Variants in CCNK observed in about 807,000 individuals in gnomAD.
CCNK encodes the protein cyclin K.
In CCNK, 9 loss-of-function variants were observed where a neutral mutation model predicts 65.0. The observed-to-expected ratio is 0.14, with a 90% CI of 0.08 to 0.24. The LOEUF (loss-of-function observed/expected upper bound fraction) is 0.24, where lower values mean the gene tolerates loss of function less well. Ranked by LOEUF, CCNK falls within the 10% of genes least tolerant of loss-of-function variation. The pLI is 1.00. For missense variants in CCNK, 474 were observed against 720.0 expected, an observed-to-expected ratio of 0.66 and a Z score of 3.91; for synonymous variants, 279 against 270.8, an observed-to-expected ratio of 1.03 and a Z score of -0.30.
chr14:99,493,515 C>T lies in CCNK; in HGVS notation c.199C>T (p.His67Tyr). The T allele has an allele frequency of 6.2e-7, 1 of 1,607,086 alleles. No homozygotes were observed. Among genetic ancestry groups the T allele is most frequent in the Non-Finnish European group, 8.5e-7 (1 of 1,175,124 alleles). ...TAGAGTCCTTAACCAGAACAACAGACACTATGATACCCTGGCAACTGGAAT... is the reference window on the plus strand; with the variant it reads ...TAGAGTCCTTAACCAGAACAACAGATACTATGATACCCTGGCAACTGGAAT... Reference protein sequence around the residue: ...IFDVGTRLGLHYDTLATGIIY... With the variant: ...IFDVGTRLGLYYDTLATGIIY... Residue 67 changes from histidine (H) to tyrosine (Y), a missense_variant and splice_region_variant, in exon 3 of 11, where the codon CAC (histidine) becomes TAC (tyrosine). His to Tyr is a moderately conservative substitution (Grantham distance 83). Around this residue, in one of 6 missense-constraint regions of CCNK, gnomAD observed 87 missense variants for 166.2 expected, o/e 0.52. Coordinates refer to ENST00000389879, the MANE Select transcript of CCNK (RefSeq NM_001099402.2).
intron 1 of CCNK, among the ~76,000 whole-genome samples, chr14:99,484,104 G>C (rs1896423857): frequency 6.6e-6 from 1 of 152,256 alleles, no homozygotes; most frequent in Admixed American, 6.5e-5. Context: ...TTCCTGGCTT[G>C]ACAAAAGTGG....
intron 4 of CCNK, among the ~76,000 whole-genome samples, chr14:99,499,196 A>G (rs1896766728): frequency 6.6e-6 from 1 of 151,950 alleles, no homozygotes; most frequent in African/African-American, 2.4e-5. Context: ...TGCCACCATG[A>G]TTGGCTAATT....
intron 3 of CCNK, chr14:99,494,588 G>A (rs930815689): frequency 9.2e-5 from 14 of 152,252 alleles, no homozygotes; most frequent in Admixed American, 9.2e-4. Flanking sequence ...TCAGGATTAT[G>A]TGAGGAGAGT....
intron 8 of CCNK, 49 bp from the exon 9 acceptor site, chr14:99,503,562 A>T: frequency 1.3e-6 from 2 of 1,503,438 alleles, no homozygotes; most frequent in Non-Finnish European, 1.8e-6. Context: ...TTTTTTTCTC[A>T]TCATACTCAG....
intron 3 of CCNK, 134 bp from the exon 4 acceptor site, chr14:99,495,364 G>A (rs934435350): frequency 2.5e-5 from 15 of 591,952 alleles, no homozygotes; most frequent in Admixed American, 1.2e-4. Flanking sequence ...CTAGAGTATC[G>A]GAGTATTTGT....
At chr14:99,481,863 A>T (rs911665603) in intron 1 of CCNK, among the ~76,000 whole-genome samples, 1 of 152,140 alleles carries the variant, frequency 6.6e-6, no homozygotes, top group East Asian at 1.9e-4. Context: ...ATTAGTCCCA[A>T]CCTTGGCTAG....
At chr14:99,493,399 ATTG>A in intron 2 of CCNK, 112 bp from the exon 3 acceptor site, 1 of 594,376 alleles carries the variant, frequency 1.7e-6, no homozygotes, top group African/African-American at 1.9e-5. Flanking sequence ...TGCCACTAAT[ATTG>A]TTTACTTTAC....
At chr14:99,510,108 G>A (rs1897082674) in intron 10 of CCNK, 49 bp from the exon 11 acceptor site, 24 of 1,543,650 alleles carry the variant, frequency 1.6e-5, no homozygotes, top group Non-Finnish European at 2.1e-5. Context: ...CACTGAAAAA[G>A]CAACCATTGC....
intron 1 of CCNK, among the ~76,000 whole-genome samples, chr14:99,490,342 A>G (rs953074336): frequency 1.7e-4 from 26 of 152,142 alleles, no homozygotes; most frequent in African/African-American, 6.0e-4. Flanking sequence ...CCCAAATATG[A>G]TGTGTAGTTA....
At chr14:99,493,220 G>A (rs1342609639) in intron 2 of CCNK, 1 of 428,258 alleles carries the variant, frequency 2.3e-6, no homozygotes, top group African/African-American at 2.0e-5. Context: ...CTGGGCTGCA[G>A]TGAGCCAAGA....
intron 9 of CCNK, chr14:99,504,634 G>GA (rs1896928645): frequency 1.3e-5 from 2 of 152,216 alleles, no homozygotes; most frequent in South Asian, 4.2e-4. Context: ...ATTTTTAGTA[G>GA]AGACAGGGTT....
chr14:99,481,736 G>T (rs1004818084), intron 1 of CCNK: 3 of 367,128 alleles, frequency 8.2e-6, no homozygotes, highest in Non-Finnish European at 9.7e-6. Flanking sequence ...CCCTCGCACT[G>T]GGGGGCAGTC....
intron 4 of CCNK, among the ~76,000 whole-genome samples, chr14:99,496,602 C>T (rs919175655): frequency 1.3e-5 from 2 of 151,718 alleles, no homozygotes; most frequent in Admixed American, 6.6e-5. Context: ...CCCAGCTACT[C>T]GGGAGGTTGA....
rs1896620101 is a variant in CCNK, at chr14:99,492,665, C to G, written c.-13C>G. On this transcript the variant is annotated 5_prime_UTR_variant, in exon 2 of 11. Transcript: ENST00000389879. ...CAGAGAACCTTTTGGAAAGAACAAG[C>G]CTACTTCAATAAATGAAGGAGAATA... is the stretch of plus-strand genomic sequence containing the variant. 11 of 1,591,708 alleles carry G rather than the reference C, an allele frequency of 6.9e-6. No homozygotes were observed. Among genetic ancestry groups the G allele is most frequent in the Non-Finnish European group, 9.4e-6 (11 of 1,172,164 alleles).
chr14:99,502,698 T>G, intron 7 of CCNK, 21 bp from the exon 8 acceptor site: 1 of 1,606,240 alleles, frequency 6.2e-7, no homozygotes, highest in Non-Finnish European at 8.5e-7. Flanking sequence ...GTGTAAAATG[T>G]AATTGTTGGC....
intron 1 of CCNK, among the ~76,000 whole-genome samples, chr14:99,487,659 T>G (rs1455837121): frequency 1.3e-5 from 2 of 152,148 alleles, no homozygotes; most frequent in Admixed American, 1.3e-4. Flanking sequence ...TTGATGGAAA[T>G]AGAGGTCAGA....
At chr14:99,488,616 G>A (rs894828157) in intron 1 of CCNK, among the ~76,000 whole-genome samples, 2 of 152,168 alleles carry the variant, frequency 1.3e-5, no homozygotes, top group Non-Finnish European at 2.9e-5. Flanking sequence ...CAGAAGCCAT[G>A]TAATGTCAGG....
chr14:99,503,297 T>C, intron 8 of CCNK: 1 of 612,088 alleles, frequency 1.6e-6, no homozygotes, highest in Non-Finnish European at 2.9e-6. Flanking sequence ...GCTGCTTCTG[T>C]GCAGCTGCCT....
intron 1 of CCNK, among the ~76,000 whole-genome samples, chr14:99,484,991 A>C (rs1422581030): frequency 6.6e-6 from 1 of 152,252 alleles, no homozygotes; most frequent in African/African-American, 2.4e-5. Context: ...TTTCAGAGGA[A>C]TCACAAGCTA....
Sources: allele counts gnomAD v4.1 joint callset (sites outside exome capture counted in the v4.1 genomes callset), GRCh38; gene constraint gnomAD v4.1.1; regional missense constraint gnomAD v4.1.1; transcripts MANE v1.5; gene names NCBI Gene and HGNC (gene_info 2026-07-23, HGNC 2026-07-21).